C1orf174: variants seen among roughly 807,000 people sequenced by gnomAD.
C1orf174 encodes the protein UPF0688 protein C1orf174.
A neutral mutation model predicts 18.4 loss-of-function variants in C1orf174; 13 were observed. The ratio of observed to expected loss-of-function variants is 0.71; its 90% CI spans 0.46 to 1.12. C1orf174 has a LOEUF of 1.12. Among genes scored for constraint, C1orf174 ranks in the 50% most tolerant of loss-of-function variants. C1orf174 has a pLI of 0.00. For missense variants in C1orf174, 309 were observed against 308.0 expected, an observed-to-expected ratio of 1.00 and a Z score of -0.02; for synonymous variants, 100 against 118.3, an observed-to-expected ratio of 0.85 and a Z score of 1.01.
chr1:3,899,308 G>A (rs776334000), intron 1 of C1orf174, among the ~76,000 whole-genome samples: 1 of 152,184 alleles, frequency 6.6e-6, no homozygotes, highest in Non-Finnish European at 1.5e-5. Context: ...ACAAGTTTTG[G>A]TTCAAAGATA....
At chr1:3,895,523 C>T (rs1400911190) in intron 1 of C1orf174, 8 of 113,308 alleles carry the variant, frequency 7.1e-5, no homozygotes, top group African/African-American at 2.3e-4. Context: ...GGGCTGGAAG[C>T]GCTGGCTGTT....
intron 1 of C1orf174, among the ~76,000 whole-genome samples, chr1:3,894,393 G>A (rs1391185448): frequency 2.6e-5 from 4 of 152,048 alleles, no homozygotes; most frequent in Non-Finnish European, 5.9e-5. Flanking sequence ...GGATCACAAG[G>A]TCAGGAGATC....
intron 1 of C1orf174, among the ~76,000 whole-genome samples, chr1:3,893,518 A>C (rs1418008614): frequency 2.0e-5 from 3 of 152,216 alleles, no homozygotes; most frequent in Non-Finnish European, 4.4e-5. Context: ...AACTCCTCTA[A>C]TAACAAGAAA....
rs1638460326 is a variant in C1orf174, at chr1:3,889,470, CG to C, written c.*489del. On this transcript the variant is annotated 3_prime_UTR_variant, in exon 4 of 4. Coordinates refer to ENST00000361605, the MANE Select transcript of C1orf174 (RefSeq NM_207356.3). ...CAGCACTTTGGGAGGCTGAGGCGGG[CG>C]TATCACGAGGTCAGGAGTTTGAGAC... 1 of 156,046 alleles carries C rather than the reference CG, an allele frequency of 6.4e-6. No individual in the cohort carries two copies. The highest frequency in any genetic ancestry group is 6.2e-5 in the Admixed American group (1 of 16,192). 9.7% of individuals were successfully genotyped at this position (156,046 alleles called of 1,614,324 possible). A position where few individuals can be genotyped will look rare whatever the true frequency, so the allele number is the denominator to read the frequency against.
intron 2 of C1orf174, 68 bp from the exon 3 acceptor site, chr1:3,891,125 G>A (rs1245463052): frequency 5.4e-6 from 8 of 1,492,072 alleles, no homozygotes; most frequent in Non-Finnish European, 6.3e-6. Flanking sequence ...CAATCCAGAG[G>A]CTAGTATTTC....
In C1orf174 at chr1:3,890,694, G is replaced by C. The variant is rs12036962; in HGVS notation, c.493C>G (p.Pro165Ala). The C allele has an allele frequency of 9.8e-3, 15,747 of 1,614,020 alleles. 964 individuals carry two copies. The East Asian group carries it at 0.13, about 13-fold the overall frequency. ...SSSTVQKQNE[P>A]GLQTEDVQKP... is the part of the protein sequence containing the mutation. ...TGCACATCCTCTGTCTGTAGCCCTG[G>C]CTCATTCTGCTTCTGCACAGTGGAG... The change falls in exon 3 of 4, where the codon CCA (proline) becomes GCA (alanine). Residue 165 changes from proline (P) to alanine (A), a missense_variant. Pro to Ala is a conservative substitution (Grantham distance 27). Transcript: ENST00000361605.
At chr1:3,891,162 C>T in intron 2 of C1orf174, 105 bp from the exon 3 acceptor site, 1 of 1,363,950 alleles carries the variant, frequency 7.3e-7, no homozygotes, top group Non-Finnish European at 9.9e-7. Context: ...GATAAAGATG[C>T]TGTGACCACA....
chr1:3,892,635 G>T (rs995439022), intron 2 of C1orf174: 1 of 1,226,204 alleles, frequency 8.2e-7, no homozygotes, highest in Admixed American at 3.4e-5. Flanking sequence ...CGGGTGCTAG[G>T]ATCAGAGCCC....
intron 3 of C1orf174, among the ~76,000 whole-genome samples, 173 bp from the exon 4 acceptor site, chr1:3,890,246 G>T (rs1638480090): frequency 6.6e-6 from 1 of 152,108 alleles, no homozygotes; most frequent in South Asian, 2.1e-4. Context: ...CTCCCTACTG[G>T]GCTGATCGAG....
chr1:3,898,367 G>A (rs559885267), intron 1 of C1orf174, among the ~76,000 whole-genome samples: 4 of 152,204 alleles, frequency 2.6e-5, no homozygotes, highest in South Asian at 2.1e-4. Context: ...AAAATTAGCC[G>A]GGCGTAGTGG....
In C1orf174 at chr1:3,890,676, CCT is replaced by C. The variant is rs1409342606; in HGVS notation, c.509_510del (p.Glu170GlyfsTer17). ...QKQNEPGLQT[E>X]DVQKPPLQMD... ...ATCTGAAGTGGTGGCTTCTGCACAT[CCT>C]CTGTCTGTAGCCCTGGCTCATTCTG... On this transcript the variant is annotated frameshift_variant, in exon 3 of 4. Transcript: ENST00000361605. LOFTEE classifies it high-confidence loss of function. 6.2e-7 allele frequency: 1 copy of C among 1,614,092 alleles called. No individual in the cohort carries two copies. Among genetic ancestry groups the C allele is most frequent in the South Asian group, 1.1e-5 (1 of 91,074 alleles).
At position 3,890,703 on chromosome 1, in the gene C1orf174, G is replaced by C; in HGVS notation, c.484C>G (p.Gln162Glu). 1 of 1,614,116 alleles carries C rather than the reference G, an allele frequency of 6.2e-7. No individual in the cohort carries two copies. The highest frequency in any genetic ancestry group is 1.1e-5 in the South Asian group (1 of 91,074). The change falls in exon 3 of 4, where the codon CAG becomes GAG. Residue 162 changes from glutamine to glutamate, a missense_variant. Coordinates refer to ENST00000361605, the MANE Select transcript of C1orf174 (RefSeq NM_207356.3). ...TCTGTCTGTAGCCCTGGCTCATTCT[G>C]CTTCTGCACAGTGGAGCTGCTGTTG... ...ESNSSSTVQK[Q>E]NEPGLQTEDV...
intron 3 of C1orf174, 111 bp from the exon 4 acceptor site, chr1:3,890,184 T>C (rs1638479129): frequency 1.2e-6 from 1 of 821,012 alleles, no homozygotes; most frequent in Non-Finnish European, 2.0e-6. Flanking sequence ...TCTTCCCTTT[T>C]AGACGTGTGA....
At chr1:3,890,431 T>C in intron 3 of C1orf174, 138 bp downstream of exon 3, 1 of 1,246,010 alleles carries the variant, frequency 8.0e-7, no homozygotes, top group Non-Finnish European at 1.1e-6. Context: ...TTTCATTTTC[T>C]CCTCGTGGGT....
chr1:3,900,140 C>T, intron 1 of C1orf174, 32 bp downstream of exon 1: 1 of 1,571,744 alleles, frequency 6.4e-7, no homozygotes, highest in Non-Finnish European at 8.6e-7. Flanking sequence ...CCGCCCTGCC[C>T]GGCGCAGCTG....
chr1:3,891,118 T>G, intron 2 of C1orf174, 61 bp from the exon 3 acceptor site: 7 of 1,495,356 alleles, frequency 4.7e-6, no homozygotes, highest in African/African-American at 1.4e-5. Context: ...CAGGCCTCAA[T>G]CCAGAGGCTA....
At chr1:3,899,797 G>A (rs540491240) in intron 1 of C1orf174, among the ~76,000 whole-genome samples, 3 of 152,150 alleles carry the variant, frequency 2.0e-5, no homozygotes, top group South Asian at 4.2e-4. Context: ...TTCTCCCGAG[G>A]GCGTGGACCG....
intron 1 of C1orf174, among the ~76,000 whole-genome samples, chr1:3,894,746 G>T (rs1638575585): frequency 1.3e-5 from 2 of 152,200 alleles, no homozygotes; most frequent in African/African-American, 4.8e-5. Flanking sequence ...ACAGGAGGGA[G>T]AAGAGCAGGC....
chr1:3,900,141 G>A lies in C1orf174; in HGVS notation c.15+31C>T, dbSNP rs375752966. The stretch of plus-strand genomic sequence containing the variant: ...GTGACCCAGAGTCCCCGCCCTGCCC[G>A]GCGCAGCTGCTGCCGGGACCCAGCC... On this transcript the variant is annotated intron_variant, in intron 1 of 3. Coordinates refer to ENST00000361605, the MANE Select transcript of C1orf174 (RefSeq NM_207356.3). The A allele has an allele frequency of 6.6e-5, 103 of 1,571,078 alleles. No individual in the cohort carries two copies. The African/African-American group carries it at 1.3e-3, about 19-fold the overall frequency.
Sources: allele counts gnomAD v4.1 joint callset (sites outside exome capture counted in the v4.1 genomes callset), GRCh38; gene constraint gnomAD v4.1.1; transcripts MANE v1.5; gene names NCBI Gene and HGNC (gene_info 2026-07-23, HGNC 2026-07-21).